The following MYO1E variants were observed in gnomAD, a reference collection of about 807,000 sequenced individuals.
The protein encoded by MYO1E is unconventional myosin-Ie.
Under a neutral mutation model 151.1 loss-of-function variants are expected in MYO1E, and 68 were observed. The ratio of observed to expected loss-of-function variants is 0.45; its 90% CI spans 0.37 to 0.55. The LOEUF is 0.55. MYO1E is among the 20% of genes least tolerant of loss of function. The pLI is 0.00. For synonymous variants in MYO1E, 601 were observed against 501.7 expected (o/e 1.20, Z -2.64); for missense variants, 1,363 against 1,389.3 (o/e 0.98, Z 0.30).
chr15:59,207,725 A>C, intron 14 of MYO1E: 2 of 1,614,160 alleles, frequency 1.2e-6, no homozygotes, highest in South Asian at 2.2e-5. Flanking sequence ...CCTTTGAAGG[A>C]TCTGAACTCT....
At chr15:59,365,021 A>C (rs2080905173) in intron 1 of MYO1E, among the ~76,000 whole-genome samples, 2 of 150,938 alleles carry the variant, frequency 1.3e-5, no homozygotes, top group African/African-American at 4.8e-5. Context: ...AATTATTCTA[A>C]ATTTCTTTTT....
At chr15:59,361,058 G>GTGACCA (rs1471138901) in intron 1 of MYO1E, among the ~76,000 whole-genome samples, 1 of 152,160 alleles carries the variant, frequency 6.6e-6, no homozygotes, top group Non-Finnish European at 1.5e-5. Flanking sequence ...ACCCTGTGGT[G>GTGACCA]TGACCACTAC....
At position 59,174,025 on chromosome 15, in the gene MYO1E, G is replaced by A. The variant is rs546006673; in HGVS notation, c.2164+101C>T. The A allele has an allele frequency of 6.8e-5, 101 of 1,491,220 alleles. 1 individual carries two copies. In the East Asian group the frequency reaches 1.5e-3, roughly 22 times the overall value. The allele number at this position is 1,491,220 out of a possible 1,614,324, so 92.4% of individuals were successfully genotyped here. On this transcript the variant is annotated intron_variant, in intron 20 of 27. Coordinates refer to ENST00000288235, the MANE Select transcript of MYO1E (RefSeq NM_004998.4). The stretch of plus-strand genomic sequence containing the variant: ...CTCTAAATGATGCAATATTTTTAGC[G>A]TGACATTATATGCAAAATAAAATGG...
At chr15:59,317,736 A>G (rs749482350) in intron 1 of MYO1E, among the ~76,000 whole-genome samples, 1 of 152,192 alleles carries the variant, frequency 6.6e-6, no homozygotes, top group Non-Finnish European at 1.5e-5. Context: ...CTGGCTTGTC[A>G]GGGCCTAGGG....
chr15:59,219,771 A>G (rs1308118470), intron 9 of MYO1E, among the ~76,000 whole-genome samples: 1 of 152,242 alleles, frequency 6.6e-6, no homozygotes, highest in South Asian at 2.1e-4. Context: ...ACGTGCATTC[A>G]TCTCACAGAG....
In MYO1E at chr15:59,223,166, A is replaced by G. The variant is rs2079966914; in HGVS notation, c.803T>C (p.Phe268Ser). The G allele has an allele frequency of 1.2e-6, 2 of 1,614,088 alleles. No individual in the cohort carries two copies. Among genetic ancestry groups the G allele is most frequent in the Non-Finnish European group, 1.7e-6 (2 of 1,180,050 alleles). ...CAACACCAGCGTTTGCTCTTCTGCA[A>G]AGATCCCAATCACATTCATGGCGTG... ...TLHAMNVIGI[F>S]AEEQTLVLQI... Residue 268 changes from phenylalanine (F) to serine (S), a missense_variant, in exon 9 of 28, where the codon TTT becomes TCT. Coordinates refer to ENST00000288235, the MANE Select transcript of MYO1E (RefSeq NM_004998.4).
At chr15:59,178,678 G>T (rs2079640294) in intron 18 of MYO1E, 141 bp from the exon 19 acceptor site, 1 of 1,153,436 alleles carries the variant, frequency 8.7e-7, no homozygotes. Flanking sequence ...GCGTTCGAAG[G>T]CTCAGGCGTG....
At chr15:59,202,868 A>G (rs1465275954) in intron 15 of MYO1E, among the ~76,000 whole-genome samples, 1 of 152,022 alleles carries the variant, frequency 6.6e-6, no homozygotes, top group African/African-American at 2.4e-5. Context: ...CCGCCTCCTG[A>G]GTAGCTGGCA....
intron 14 of MYO1E, chr15:59,207,507 G>A (rs769914414): frequency 6.2e-7 from 1 of 1,613,958 alleles, no homozygotes; most frequent in Non-Finnish European, 8.5e-7. Flanking sequence ...CCAATCCAGT[G>A]GATATCTTAA....
intron 1 of MYO1E, among the ~76,000 whole-genome samples, chr15:59,328,285 A>G (rs543871736): frequency 1.3e-5 from 2 of 152,232 alleles, no homozygotes; most frequent in South Asian, 2.1e-4. Context: ...AGTCCCGTCT[A>G]CCTCCCAGAG....
At chr15:59,329,795 A>C (rs1440384845) in intron 1 of MYO1E, among the ~76,000 whole-genome samples, 2 of 152,248 alleles carry the variant, frequency 1.3e-5, no homozygotes, top group African/African-American at 4.8e-5. Flanking sequence ...ACAGCGTGAG[A>C]TCAAATCCCC....
intron 21 of MYO1E, 82 bp downstream of exon 21, chr15:59,173,664 T>C: frequency 1.3e-6 from 2 of 1,553,982 alleles, no homozygotes; most frequent in Non-Finnish European, 1.8e-6. Context: ...TCTGATTTGG[T>C]AACAACAAAA....
chr15:59,326,493 A>T (rs2080665164), intron 1 of MYO1E, among the ~76,000 whole-genome samples: 1 of 152,252 alleles, frequency 6.6e-6, no homozygotes, highest in Non-Finnish European at 1.5e-5. Context: ...ACTGCACTCC[A>T]GCCTGGCGAC....
Position 59,233,394 on chromosome 15 carries a change from G to C in MYO1E, c.421-1603C>G, listed in dbSNP as rs566128475. 2.6e-4 allele frequency among the ~76,000 whole-genome samples: 40 copies of C among 152,118 alleles called. No individual in the cohort carries two copies. In the South Asian group the frequency reaches 8.1e-3, roughly 31 times the overall value. ...AAAGAGTAGCCCATCGGCCGGGCGCGGTGGCTCACGCCTGTAATCCCAGCA... is the reference window on the plus strand; with the variant it reads ...AAAGAGTAGCCCATCGGCCGGGCGCCGTGGCTCACGCCTGTAATCCCAGCA... On this transcript the variant is annotated intron_variant, in intron 5 of 27. Coordinates refer to ENST00000288235, the MANE Select transcript of MYO1E (RefSeq NM_004998.4).
intron 1 of MYO1E, among the ~76,000 whole-genome samples, chr15:59,290,308 C>T (rs555662639): frequency 4.6e-5 from 7 of 152,308 alleles, no homozygotes; most frequent in Non-Finnish European, 7.3e-5. Flanking sequence ...ACCCTTGAAG[C>T]TGCCTTTAGA....
At chr15:59,245,562 G>T (rs1342584420) in intron 4 of MYO1E, among the ~76,000 whole-genome samples, 1 of 152,134 alleles carries the variant, frequency 6.6e-6, no homozygotes, top group Admixed American at 6.5e-5. Flanking sequence ...ACTGGTATTG[G>T]ATATATTTAG....
rs58611208 is a variant in MYO1E at position 59,208,422 on chromosome 15, T to C, written c.1530+259A>G. ...TTTCATTAGATATATGCTATTTCTT[T>C]CATTCTTGCTGGTTTATACCTATGT... On this transcript the variant is annotated intron_variant, in intron 14 of 27. Transcript: ENST00000288235. 4.7e-3 allele frequency: 2,721 copies of C among 582,734 alleles called. 67 individuals are homozygous for C. The African/African-American group carries it at 0.047, about 10-fold the overall frequency. The allele number at this position is 582,734 out of a possible 1,614,324, so 36.1% of individuals were successfully genotyped here. A position where few individuals can be genotyped will look rare whatever the true frequency, so the allele number is the denominator to read the frequency against.
chr15:59,135,716 G>A lies in MYO1E; in HGVS notation c.*1664C>T, dbSNP rs571280710. The A allele has an allele frequency of 2.0e-5, 3 of 152,192 alleles. No homozygotes were observed. The highest frequency in any genetic ancestry group is 3.9e-4 in the East Asian group (2 of 5,184). The allele number at this position is 152,192 out of a possible 1,614,324, so 9.4% of individuals were successfully genotyped here. A position where few individuals can be genotyped will look rare whatever the true frequency, so the allele number is the denominator to read the frequency against. On this transcript the variant is annotated 3_prime_UTR_variant, in exon 28 of 28. Coordinates refer to ENST00000288235, the MANE Select transcript of MYO1E (RefSeq NM_004998.4). ...ATCAATTTTTTTCCCTTATACGTAA[G>A]CCCTGATAATTTTTTCCCATGGACT... is the stretch of plus-strand genomic sequence containing the variant.
rs1406952552 is a variant in MYO1E at position 59,350,254 on chromosome 15, T to C, written c.3+22244A>G. On this transcript the variant is annotated intron_variant, in intron 1 of 27. Transcript: ENST00000288235. The surrounding 1 kb of genome is among the most constrained non-coding windows in gnomAD (Gnocchi z 5.0). ...TGATCACCAGGCAGGCTCCTGCCTT[T>C]CCTCAGGGTGGAAGAGATCCACTGC... Among the ~76,000 whole-genome samples, 1 of 152,236 alleles carries C rather than the reference T, an allele frequency of 6.6e-6. No individual in the cohort carries two copies. Among genetic ancestry groups the C allele is most frequent in the African/African-American group, 2.4e-5 (1 of 41,464 alleles).
Sources: gnomAD v4.1 joint callset for allele counts (sites outside exome capture counted in the v4.1 genomes callset) on GRCh38, gnomAD v4.1.1 for gene constraint, Gnocchi (gnomAD v3.1) non-coding constraint, MANE v1.5 for transcripts, NCBI Gene and HGNC (gene_info 2026-07-23, HGNC 2026-07-21) for gene names.